Variants in ST8SIA6 observed in about 807,000 individuals in gnomAD.
ST8SIA6 encodes alpha-2,8-sialyltransferase 8F.
A neutral mutation model predicts 33.6 loss-of-function variants in ST8SIA6; 39 were observed. That is an observed-to-expected ratio of 1.16 (90% CI 0.90 to 1.52). The LOEUF is 1.52. ST8SIA6 is among the 40% of genes most tolerant of loss of function. The pLI, the probability that ST8SIA6 is intolerant of heterozygous loss-of-function variation, is 0.00. For missense variants in ST8SIA6, 441 were observed against 443.8 expected, an observed-to-expected ratio of 0.99 and a Z score of 0.06; for synonymous variants, 172 against 167.2, an observed-to-expected ratio of 1.03 and a Z score of -0.22.
At chr10:17,444,306 T>C (rs777116119) in intron 2 of ST8SIA6, among the ~76,000 whole-genome samples, 1 of 152,198 alleles carries the variant, frequency 6.6e-6, no homozygotes, top group Non-Finnish European at 1.5e-5. Flanking sequence ...GTAAACGGTA[T>C]TGTCTGTCGA....
intron 2 of ST8SIA6, among the ~76,000 whole-genome samples, chr10:17,406,398 C>T (rs1851259516): frequency 6.6e-6 from 1 of 152,158 alleles, no homozygotes; most frequent in Admixed American, 6.6e-5. Flanking sequence ...ACAGCTTCCC[C>T]TTTGTCTTGT....
In ST8SIA6 at chr10:17,439,952, T is replaced by C. The variant is rs1292296149; in HGVS notation, c.200+13607A>G. Among the ~76,000 whole-genome samples, 3 of 152,310 alleles carry C rather than the reference T, an allele frequency of 2.0e-5. No homozygotes were observed. The South Asian group carries it at 6.2e-4, about 32-fold the overall frequency. On this transcript the variant is annotated intron_variant, in intron 2 of 7. Coordinates refer to ENST00000377602, the MANE Select transcript of ST8SIA6 (RefSeq NM_001004470.3). ...AAAGATTCAACACTCCCTAGAACTA[T>C]GTGGATCTTCCAACGAGGAAAGGAA...
intron 2 of ST8SIA6, chr10:17,409,456 C>G (rs1851375064): frequency 6.6e-6 from 1 of 152,352 alleles, no homozygotes; most frequent in Non-Finnish European, 1.5e-5. Context: ...GTAATCTCAG[C>G]AATTTGGGAG....
chr10:17,347,558 G>T (rs563661905), intron 4 of ST8SIA6, among the ~76,000 whole-genome samples: 277 of 152,226 alleles, frequency 1.8e-3, no homozygotes, highest in South Asian at 4.2e-3. Flanking sequence ...GAAAAAGCAG[G>T]ACTGTGAAAT....
At chr10:17,331,744 T>G (rs907009674) in intron 4 of ST8SIA6, among the ~76,000 whole-genome samples, 192 bp from the exon 5 acceptor site, 2 of 152,198 alleles carry the variant, frequency 1.3e-5, no homozygotes, top group Non-Finnish European at 2.9e-5. Context: ...GACTCTCTTT[T>G]TTTTCATTCT....
chr10:17,430,650 AT>A (rs1459870312), intron 2 of ST8SIA6, among the ~76,000 whole-genome samples: 8 of 151,962 alleles, frequency 5.3e-5, no homozygotes, highest in African/African-American at 1.9e-4. Flanking sequence ...GGTGTCAAGC[AT>A]TTTTTCCTAT....
intron 2 of ST8SIA6, among the ~76,000 whole-genome samples, chr10:17,422,327 G>C (rs778264321): frequency 6.6e-6 from 1 of 152,124 alleles, no homozygotes; most frequent in Non-Finnish European, 1.5e-5. Flanking sequence ...ATTTTTGCCT[G>C]AAGCACCTCC....
At chr10:17,377,997 T>A (rs1210933598) in intron 3 of ST8SIA6, among the ~76,000 whole-genome samples, 1 of 152,176 alleles carries the variant, frequency 6.6e-6, no homozygotes, top group Admixed American at 6.5e-5. Context: ...AGGCAATTCA[T>A]GCCTGCTCTC....
At chr10:17,430,575 T>A (rs908923225) in intron 2 of ST8SIA6, among the ~76,000 whole-genome samples, 6 of 148,008 alleles carry the variant, frequency 4.1e-5, no homozygotes, top group Non-Finnish European at 9.2e-5. Flanking sequence ...ATAATGTCCA[T>A]TTTTTTTGCC....
Position 17,438,097 on chromosome 10 carries a change from T to C in ST8SIA6, c.200+15462A>G, listed in dbSNP as rs1262747049. 2.0e-5 allele frequency among the ~76,000 whole-genome samples: 3 copies of C among 152,160 alleles called. No individual in the cohort carries two copies. The East Asian group carries it at 5.8e-4, about 29-fold the overall frequency. On this transcript the variant is annotated intron_variant, in intron 2 of 7. Coordinates refer to ENST00000377602, the MANE Select transcript of ST8SIA6 (RefSeq NM_001004470.3). ...AGTCTCTCTTGGACTAAACTCTCTTTTTATTTTATTTTACTGAGCTTGATT... is the reference window on the plus strand; with the variant it reads ...AGTCTCTCTTGGACTAAACTCTCTTCTTATTTTATTTTACTGAGCTTGATT...
In ST8SIA6 at chr10:17,454,550, G is replaced by C. The variant is rs1417591942; in HGVS notation, c.-295C>G. The stretch of plus-strand genomic sequence containing the variant: ...GAGCTCGCCGCCTGTCCTCCCGGAG[G>C]CGCTCGGAGCTGCTGCGGGCTCCGG... On this transcript the variant is annotated 5_prime_UTR_variant, in exon 1 of 8. Transcript: ENST00000377602. The surrounding 1 kb of genome is among the most constrained non-coding windows in gnomAD (Gnocchi z 4.1). Among the ~76,000 whole-genome samples the C allele has an allele frequency of 6.6e-6, 1 of 151,922 alleles. No individual in the cohort carries two copies. The highest frequency in any genetic ancestry group is 2.4e-5 in the African/African-American group (1 of 41,404).
intron 2 of ST8SIA6, among the ~76,000 whole-genome samples, chr10:17,451,863 T>C (rs1852924002): frequency 6.6e-6 from 1 of 152,214 alleles, no homozygotes; most frequent in Non-Finnish European, 1.5e-5. Context: ...CAGAATGGTA[T>C]AAATTTTAGA....
chr10:17,381,751 G>T lies in ST8SIA6; in HGVS notation c.290+8780C>A, dbSNP rs573835288. Among the ~76,000 whole-genome samples, 12 of 152,322 alleles carry T rather than the reference G, an allele frequency of 7.9e-5. No individual in the cohort carries two copies. In the East Asian group the frequency reaches 1.9e-3, roughly 24 times the overall value. ...GCCCCAAACAGAATGATCTTTGCTT[G>T]TGTAATTTTTAATAAGTGAGACATT... is the stretch of plus-strand genomic sequence containing the variant. On this transcript the variant is annotated intron_variant, in intron 3 of 7. Transcript: ENST00000377602.
At chr10:17,350,487 G>A (rs1002173981) in intron 4 of ST8SIA6, among the ~76,000 whole-genome samples, 2 of 152,004 alleles carry the variant, frequency 1.3e-5, no homozygotes, top group Non-Finnish European at 2.9e-5. Context: ...CCAGGAGTTC[G>A]AGACCAGCCT....
chr10:17,341,900 CAAAA>C (rs71393004), intron 4 of ST8SIA6, among the ~76,000 whole-genome samples: 1,027 of 73,122 alleles, frequency 0.014, 11 homozygotes, highest in African/African-American at 0.056. Context: ...GGCTCCATCT[CAAAA>C]AAAAAAAAAA....
chr10:17,318,582 G>A lies in ST8SIA6; in HGVS notation c.*2296C>T. The A allele has an allele frequency of 2.3e-6, 1 of 435,960 alleles. No homozygotes were observed. The highest frequency in any genetic ancestry group is 4.7e-6 in the Non-Finnish European group (1 of 213,748). 27.0% of individuals were successfully genotyped at this position (435,960 alleles called of 1,614,324 possible). A position where few individuals can be genotyped will look rare whatever the true frequency, so the allele number is the denominator to read the frequency against. ...ATTCTCAATGCCCTTAGATGTACTTGAGTTTTAAGAGCAGAAGATCACATT... is the reference window on the plus strand; with the variant it reads ...ATTCTCAATGCCCTTAGATGTACTTAAGTTTTAAGAGCAGAAGATCACATT... On this transcript the variant is annotated 3_prime_UTR_variant, in exon 8 of 8. Coordinates refer to ENST00000377602, the MANE Select transcript of ST8SIA6 (RefSeq NM_001004470.3).
intron 3 of ST8SIA6, among the ~76,000 whole-genome samples, chr10:17,363,355 A>C (rs1849457807): frequency 6.6e-6 from 1 of 152,148 alleles, no homozygotes; most frequent in African/African-American, 2.4e-5. Context: ...CGCATACATT[A>C]ACTGTACCCA....
intron 3 of ST8SIA6, among the ~76,000 whole-genome samples, chr10:17,364,244 A>G (rs10795478): frequency 0.37 from 56,469 of 151,828 alleles, 10,735 homozygotes; most frequent in East Asian, 0.6. Context: ...TTTAAACATC[A>G]CTCCCCCTAT....
In ST8SIA6 at chr10:17,385,508, T is replaced by G. The variant is rs549788113; in HGVS notation, c.290+5023A>C. Among the ~76,000 whole-genome samples, 5 of 151,692 alleles carry G rather than the reference T, an allele frequency of 3.3e-5. No homozygotes were observed. In the South Asian group the frequency reaches 1.0e-3, roughly 32 times the overall value. ...CAAAGGGAGATAGGGGTGGGGGCAG[T>G]TTTATAGGATTTAGGTAGGTAGTGG... On this transcript the variant is annotated intron_variant, in intron 3 of 7. Transcript: ENST00000377602.
Sources: gnomAD v4.1 joint callset for allele counts (sites outside exome capture counted in the v4.1 genomes callset) on GRCh38, gnomAD v4.1.1 for gene constraint, Gnocchi (gnomAD v3.1) non-coding constraint, MANE v1.5 for transcripts, NCBI Gene and HGNC (gene_info 2026-07-23, HGNC 2026-07-21) for gene names.